PRDM11: variants seen among roughly 807,000 people sequenced by gnomAD.
The protein encoded by PRDM11 is PR domain-containing protein 11.
PRDM11 carries 20 observed loss-of-function variants against 97.8 expected under a neutral mutation model. The ratio of observed to expected loss-of-function variants is 0.20; its 90% CI spans 0.14 to 0.30. The LOEUF is 0.30. Among genes scored for constraint, PRDM11 ranks in the 10% least tolerant of loss-of-function variants. The probability of loss-of-function intolerance (pLI) is 1.00; values close to 1 mark genes in which losing one functional copy is unlikely to be tolerated. For missense variants in PRDM11, 1,139 were observed against 1,555.2 expected, an observed-to-expected ratio of 0.73 and a Z score of 4.50; for synonymous variants, 599 against 637.7, an observed-to-expected ratio of 0.94 and a Z score of 0.91.
At chr11:45,138,164 A>G (rs1365116147) in intron 1 of PRDM11, among the ~76,000 whole-genome samples, 1 of 152,232 alleles carries the variant, frequency 6.6e-6, no homozygotes, top group African/African-American at 2.4e-5. Flanking sequence ...CCACTGCCTG[A>G]AAGGGAGCCC....
At chr11:45,116,285 G>A (rs1455082326) in intron 1 of PRDM11, among the ~76,000 whole-genome samples, 1 of 152,174 alleles carries the variant, frequency 6.6e-6, no homozygotes, top group Non-Finnish European at 1.5e-5. Flanking sequence ...ACACTATAAA[G>A]TGCTTTGATT....
intron 1 of PRDM11, among the ~76,000 whole-genome samples, chr11:45,172,134 T>C (rs1002289402): frequency 5.3e-5 from 8 of 152,192 alleles, no homozygotes; most frequent in African/African-American, 1.9e-4. Context: ...TTACTATTAC[T>C]GGTTTACATA....
chr11:45,224,879 A>G (rs764472025), intron 7 of PRDM11, 36 bp downstream of exon 7: 1 of 1,607,554 alleles, frequency 6.2e-7, no homozygotes, highest in Admixed American at 1.7e-5. Context: ...GTCGGAGGGC[A>G]GAGTACGCAG....
chr11:45,173,484 T>C (rs1160730088), intron 1 of PRDM11, among the ~76,000 whole-genome samples: 1 of 151,732 alleles, frequency 6.6e-6, no homozygotes, highest in Admixed American at 6.6e-5. Context: ...TAGCTGGGCG[T>C]GGTGGCGCAC....
At chr11:45,147,278 G>A (rs969990766) in intron 1 of PRDM11, 2 of 151,832 alleles carry the variant, frequency 1.3e-5, no homozygotes, top group African/African-American at 4.8e-5. Flanking sequence ...GAATGAGAAC[G>A]CGGTGACACG....
chr11:45,110,528 C>A (rs1852153296), intron 1 of PRDM11, among the ~76,000 whole-genome samples: 1 of 152,230 alleles, frequency 6.6e-6, no homozygotes, highest in African/African-American at 2.4e-5. Context: ...ACCCAACTAT[C>A]TGTGAGCTGG....
chr11:45,133,297 CTCCTA>C (rs1196347315), intron 1 of PRDM11, among the ~76,000 whole-genome samples: 1 of 152,210 alleles, frequency 6.6e-6, no homozygotes, highest in Non-Finnish European at 1.5e-5. Context: ...ACATAAGTGA[CTCCTA>C]TCATGAAATC....
At chr11:45,158,992 C>G (rs895942756) in intron 1 of PRDM11, among the ~76,000 whole-genome samples, 1 of 152,172 alleles carries the variant, frequency 6.6e-6, no homozygotes, top group African/African-American at 2.4e-5. Context: ...CTTGAGCCCC[C>G]CCTTCCTAGT....
chr11:45,224,393 G>T lies in PRDM11; in HGVS notation c.919G>T (p.Asp307Tyr). The T allele has an allele frequency of 6.2e-7, 1 of 1,614,214 alleles. No homozygotes were observed. The change falls in exon 7 of 8, where the codon GAT (aspartate) becomes TAT (tyrosine). Residue 307 changes from aspartate (D) to tyrosine (Y), a missense_variant. Asp to Tyr is a radical substitution (Grantham distance 160). Coordinates refer to ENST00000683152, the MANE Select transcript of PRDM11 (RefSeq NM_001384648.1). ...KKKKIDLIFKDVLEASLESAK... is the reference protein window; with the variant it reads ...KKKKIDLIFKYVLEASLESAK... ...GAAGAAAATTGACCTGATTTTCAAGGATGTTCTGGAGGCCTCACTGGAATC... is the reference window on the plus strand; with the variant it reads ...GAAGAAAATTGACCTGATTTTCAAGTATGTTCTGGAGGCCTCACTGGAATC...
At chr11:45,180,006 C>T (rs1852427993) in intron 1 of PRDM11, among the ~76,000 whole-genome samples, 1 of 152,224 alleles carries the variant, frequency 6.6e-6, no homozygotes, top group Non-Finnish European at 1.5e-5. Context: ...GGACCTGAAC[C>T]CACTTAAGGG....
chr11:45,226,629 C>T lies in PRDM11; in HGVS notation c.2004C>T (p.Asp668=). The change falls in exon 8 of 8, where the codon GAC becomes GAT. Residue 668 remains aspartate, a synonymous_variant. Coordinates refer to ENST00000683152, the MANE Select transcript of PRDM11 (RefSeq NM_001384648.1). ...LSVILDGQSD[D]LLADTVAVYV... is the part of the protein sequence containing the mutation. Reference sequence around the variant, plus strand: ...TCATCCTGGATGGGCAGAGCGACGACCTGCTGGCCGACACGGTGGCTGTCT... The same window carrying T: ...TCATCCTGGATGGGCAGAGCGACGATCTGCTGGCCGACACGGTGGCTGTCT... The T allele has an allele frequency of 6.5e-7, 1 of 1,533,980 alleles. No individual in the cohort carries two copies. The highest frequency in any genetic ancestry group is 8.7e-7 in the Non-Finnish European group (1 of 1,146,724).
At chr11:45,206,153 T>A (rs1484168761) in intron 5 of PRDM11, among the ~76,000 whole-genome samples, 1 of 152,200 alleles carries the variant, frequency 6.6e-6, no homozygotes, top group African/African-American at 2.4e-5. Flanking sequence ...TGAGTCAGAC[T>A]GTGAAATGGG....
chr11:45,216,115 G>A (rs1853948495), intron 5 of PRDM11: 1 of 152,640 alleles, frequency 6.6e-6, no homozygotes, highest in Admixed American at 6.5e-5. Flanking sequence ...AAACAATCCA[G>A]GATCATCATG....
intron 1 of PRDM11, among the ~76,000 whole-genome samples, chr11:45,101,382 C>G (rs1851972323): frequency 1.3e-5 from 2 of 151,984 alleles, no homozygotes; most frequent in Admixed American, 1.3e-4. Context: ...ATGGTGAAAC[C>G]CTGTCTCTAC....
At chr11:45,214,382 C>T (rs1281248077) in intron 5 of PRDM11, 1 of 152,156 alleles carries the variant, frequency 6.6e-6, no homozygotes, top group Non-Finnish European at 1.5e-5. Flanking sequence ...ACCCCTCCAC[C>T]CAACAACCCC....
At chr11:45,114,514 G>A (rs1042414239) in intron 1 of PRDM11, among the ~76,000 whole-genome samples, 1 of 152,024 alleles carries the variant, frequency 6.6e-6, no homozygotes, top group African/African-American at 2.4e-5. Context: ...TACCAGAGCA[G>A]AAAAATTATT....
intron 1 of PRDM11, among the ~76,000 whole-genome samples, chr11:45,096,532 GT>G (rs1257553544): frequency 1.3e-5 from 2 of 152,136 alleles, no homozygotes; most frequent in Non-Finnish European, 2.9e-5. Flanking sequence ...GTAAGCTCAG[GT>G]GCCTTGAATC....
chr11:45,164,181 C>T (rs1020704580), intron 1 of PRDM11, among the ~76,000 whole-genome samples: 4 of 152,188 alleles, frequency 2.6e-5, no homozygotes, highest in African/African-American at 4.8e-5. Flanking sequence ...CCCCGCGGGT[C>T]CCCGGTGGAG....
intron 5 of PRDM11, chr11:45,212,373 G>A (rs576746848): frequency 5.8e-6 from 2 of 345,866 alleles, no homozygotes; most frequent in South Asian, 2.1e-5. Context: ...AGGGCAGGGG[G>A]ATACTCAGGT....
Sources: gnomAD v4.1 joint callset for allele counts (sites outside exome capture counted in the v4.1 genomes callset) on GRCh38, gnomAD v4.1.1 for gene constraint, MANE v1.5 for transcripts, NCBI Gene and HGNC (gene_info 2026-07-23, HGNC 2026-07-21) for gene names.